CPEB3: variants seen among roughly 807,000 people sequenced by gnomAD.
The protein encoded by CPEB3 is cytoplasmic polyadenylation element-binding protein 3.
CPEB3 carries 20 observed loss-of-function variants against 67.2 expected under a neutral mutation model. The observed-to-expected ratio is 0.30, with a 90% CI of 0.21 to 0.43. CPEB3 has a LOEUF of 0.43. Among genes scored for constraint, CPEB3 ranks in the 20% least tolerant of loss-of-function variants. The probability of loss-of-function intolerance (pLI) is 1.00; values close to 1 mark genes in which losing one functional copy is unlikely to be tolerated. For synonymous variants in CPEB3, 376 were observed against 393.1 expected (o/e 0.96, Z 0.51); for missense variants, 746 against 968.6 (o/e 0.77, Z 3.05).
At chr10:92,198,915 C>G (rs1849368370) in intron 2 of CPEB3, among the ~76,000 whole-genome samples, 2 of 152,154 alleles carry the variant, frequency 1.3e-5, no homozygotes, top group Non-Finnish European at 2.9e-5. Flanking sequence ...GAAAGGGACA[C>G]AGACAGGACC....
At chr10:92,182,120 C>T (rs1050834590) in intron 3 of CPEB3, among the ~76,000 whole-genome samples, 3 of 152,166 alleles carry the variant, frequency 2.0e-5, no homozygotes, top group Non-Finnish European at 2.9e-5. Flanking sequence ...TTTTAATGTT[C>T]AATTATGTCA....
At chr10:92,229,565 C>T (rs1851162705) in intron 2 of CPEB3, among the ~76,000 whole-genome samples, 1 of 152,152 alleles carries the variant, frequency 6.6e-6, no homozygotes, top group Non-Finnish European at 1.5e-5. Flanking sequence ...CCTTTTATGT[C>T]AAAGCAAGAA....
chr10:92,280,613 T>C (rs2135070067), intron 1 of CPEB3, among the ~76,000 whole-genome samples: 1 of 147,024 alleles, frequency 6.8e-6, no homozygotes, highest in African/African-American at 2.5e-5. Context: ...TCCCAGCCAC[T>C]TGGGAGGCAG....
intron 9 of CPEB3, among the ~76,000 whole-genome samples, chr10:92,069,018 G>T (rs370767051): frequency 1.3e-4 from 20 of 152,274 alleles, no homozygotes; most frequent in South Asian, 4.2e-4. Flanking sequence ...CAAGATAAAG[G>T]CTGGGTTGTA....
Position 92,143,132 on chromosome 10 carries a change from A to G in CPEB3, c.1364-14T>C. 2 of 1,600,502 alleles carry G rather than the reference A, an allele frequency of 1.2e-6. No individual in the cohort carries two copies. The highest frequency in any genetic ancestry group is 1.7e-6 in the Non-Finnish European group (2 of 1,170,576). ...CAGTGATCTCATCTACAAAACAAAG[A>G]AAGAATCTTAGCAAAAGAGAAAAAA... On this transcript the variant is annotated splice_polypyrimidine_tract_variant and intron_variant, in intron 5 of 9. Coordinates refer to ENST00000265997, the MANE Select transcript of CPEB3 (RefSeq NM_014912.5).
At chr10:92,074,615 G>C (rs528696735) in intron 9 of CPEB3, among the ~76,000 whole-genome samples, 68 of 152,260 alleles carry the variant, frequency 4.5e-4, no homozygotes, top group South Asian at 3.3e-3. Context: ...TGAGAAATAG[G>C]GGAAAAGGCC....
intron 4 of CPEB3, among the ~76,000 whole-genome samples, chr10:92,178,935 C>T (rs1359153182): frequency 6.6e-6 from 1 of 152,038 alleles, no homozygotes; most frequent in Non-Finnish European, 1.5e-5. Context: ...ATGTAAACAT[C>T]AAACTCTGGT....
intron 2 of CPEB3, among the ~76,000 whole-genome samples, chr10:92,200,886 C>G (rs1261943917): frequency 6.6e-6 from 1 of 152,146 alleles, no homozygotes; most frequent in Non-Finnish European, 1.5e-5. Context: ...CTTAGTATAT[C>G]ATACACAGAG....
intron 7 of CPEB3, among the ~76,000 whole-genome samples, chr10:92,104,665 C>T (rs1461495350): frequency 6.6e-6 from 1 of 151,930 alleles, no homozygotes; most frequent in Non-Finnish European, 1.5e-5. Flanking sequence ...GGATTATAGT[C>T]GTGAGGCACC....
intron 9 of CPEB3, among the ~76,000 whole-genome samples, chr10:92,066,105 AAGTC>A (rs757132616): frequency 3.9e-5 from 6 of 152,130 alleles, no homozygotes; most frequent in Non-Finnish European, 7.4e-5. Flanking sequence ...TCAAAAAAAA[AAGTC>A]AGCTCAGCCA....
intron 7 of CPEB3, among the ~76,000 whole-genome samples, chr10:92,093,416 A>G (rs981737918): frequency 2.6e-5 from 4 of 152,190 alleles, no homozygotes; most frequent in Admixed American, 1.3e-4. Flanking sequence ...GAGTACTTCC[A>G]CTTGAAAGGT....
chr10:92,096,319 T>C (rs1020926555), intron 7 of CPEB3, among the ~76,000 whole-genome samples: 5 of 152,162 alleles, frequency 3.3e-5, no homozygotes, highest in African/African-American at 7.2e-5. Context: ...AGGATGCACA[T>C]AGGTTACGTC....
At chr10:92,069,518 C>T in intron 9 of CPEB3, among the ~76,000 whole-genome samples, 1 of 152,100 alleles carries the variant, frequency 6.6e-6, no homozygotes, top group East Asian at 1.9e-4. Context: ...ATTCTCCTGC[C>T]GTAGCCTCCT....
At position 92,283,532 on chromosome 10, in the gene CPEB3, T is replaced by C. The variant is rs113242482; in HGVS notation, c.-12+7394A>G. Among the ~76,000 whole-genome samples, 520 of 152,124 alleles carry C rather than the reference T, an allele frequency of 3.4e-3. 4 individuals carry two copies. The highest frequency in any genetic ancestry group is 0.012 in the African/African-American group (487 of 41,508). ...TTAAGACTCAAACCTATGTTATCTT[T>C]GCAGAGATTCTCTAACATTAATAAT... On this transcript the variant is annotated intron_variant, in intron 1 of 9. Coordinates refer to ENST00000265997, the MANE Select transcript of CPEB3 (RefSeq NM_014912.5).
At chr10:92,174,466 G>GT (rs1285084817) in intron 4 of CPEB3, among the ~76,000 whole-genome samples, 2 of 152,188 alleles carry the variant, frequency 1.3e-5, no homozygotes, top group Non-Finnish European at 2.9e-5. Flanking sequence ...GTTTCTTGGT[G>GT]TATCAGCTAT....
intron 2 of CPEB3, among the ~76,000 whole-genome samples, chr10:92,222,830 A>T (rs1850769293): frequency 6.6e-6 from 1 of 152,196 alleles, no homozygotes; most frequent in African/African-American, 2.4e-5. Context: ...CAAGCTGCAA[A>T]GCATTTCATC....
chr10:92,171,536 G>T (rs1049338755), intron 4 of CPEB3, among the ~76,000 whole-genome samples: 1 of 152,108 alleles, frequency 6.6e-6, no homozygotes, highest in Non-Finnish European at 1.5e-5. Context: ...CTAGAGTTGA[G>T]AATTAGTGTG....
At chr10:92,259,209 C>T (rs1213780210) in intron 1 of CPEB3, among the ~76,000 whole-genome samples, 1 of 150,908 alleles carries the variant, frequency 6.6e-6, no homozygotes, top group African/African-American at 2.4e-5. Flanking sequence ...GTGATCCACC[C>T]ACCTCAGCCT....
chr10:92,156,310 G>C (rs1847207242), intron 4 of CPEB3, among the ~76,000 whole-genome samples: 1 of 152,270 alleles, frequency 6.6e-6, no homozygotes, highest in East Asian at 1.9e-4. Flanking sequence ...ATTGGTCAGG[G>C]GAAGATGAAG....
Sources: allele counts gnomAD v4.1 joint callset (sites outside exome capture counted in the v4.1 genomes callset), GRCh38; gene constraint gnomAD v4.1.1; transcripts MANE v1.5; gene names NCBI Gene and HGNC (gene_info 2026-07-23, HGNC 2026-07-21).